Variants in DSG1 observed in about 807,000 individuals in gnomAD.
The protein encoded by DSG1 is desmoglein-1.
A neutral mutation model predicts 97.5 loss-of-function variants in DSG1; 39 were observed. The observed-to-expected ratio is 0.40, with a 90% CI of 0.31 to 0.52. The LOEUF (loss-of-function observed/expected upper bound fraction) is 0.52. DSG1 is among the 20% of genes least tolerant of loss of function. The pLI, the probability that DSG1 is intolerant of heterozygous loss-of-function variation, is 0.53. For synonymous variants in DSG1, 475 were observed against 443.4 expected (o/e 1.07, Z -0.90); for missense variants, 1,311 against 1,295.4 (o/e 1.01, Z -0.18).
chr18:31,328,411 A>G, intron 4 of DSG1, 67 bp downstream of exon 4: 2 of 1,498,460 alleles, frequency 1.3e-6, no homozygotes, highest in Non-Finnish European at 9.2e-7. Flanking sequence ...TTAATCTCAG[A>G]TCATACTTAA....
At chr18:31,328,097 T>C in intron 3 of DSG1, 92 bp from the exon 4 acceptor site, 4 of 1,359,056 alleles carry the variant, frequency 2.9e-6, no homozygotes, top group East Asian at 2.3e-5. Context: ...AACAAGGTCA[T>C]CACATGCAAC....
intron 9 of DSG1, 97 bp from the exon 10 acceptor site, chr18:31,338,218 A>T: frequency 2.3e-6 from 3 of 1,285,698 alleles, no homozygotes; most frequent in Non-Finnish European, 3.3e-6. Context: ...GTATCTAGGG[A>T]TTATAATTAC....
rs1171094376 is a variant in DSG1 at position 31,328,466 on chromosome 18, T to G, written c.372+122T>G. 3.0e-6 allele frequency: 3 copies of G among 985,220 alleles called. No individual in the cohort carries two copies. The African/African-American group carries it at 4.8e-5, about 16-fold the overall frequency. 61.0% of individuals were successfully genotyped at this position (985,220 alleles called of 1,614,324 possible). A position where few individuals can be genotyped will look rare whatever the true frequency, so the allele number is the denominator to read the frequency against. Reference sequence around the variant, plus strand: ...ATATTTGGCATTTTTGGTTGTTTCTTAATTCACGAGCATCCCACGACTGAA... The same window carrying G: ...ATATTTGGCATTTTTGGTTGTTTCTGAATTCACGAGCATCCCACGACTGAA... On this transcript the variant is annotated intron_variant, in intron 4 of 14. Coordinates refer to ENST00000257192, the MANE Select transcript of DSG1 (RefSeq NM_001942.4).
chr18:31,338,976 A>G (rs1431309531), intron 10 of DSG1, among the ~76,000 whole-genome samples: 8 of 152,188 alleles, frequency 5.3e-5, no homozygotes, highest in South Asian at 2.1e-4. Flanking sequence ...CTAGGGTTAC[A>G]TCGATTAATA....
At chr18:31,334,362 T>C (rs1379004407) in intron 8 of DSG1, among the ~76,000 whole-genome samples, 160 bp downstream of exon 8, 1 of 152,142 alleles carries the variant, frequency 6.6e-6, no homozygotes, top group Non-Finnish European at 1.5e-5. Context: ...TTTAATATAG[T>C]CTTTCTGCTT....
intron 14 of DSG1, among the ~76,000 whole-genome samples, chr18:31,346,574 T>A (rs1003897295): frequency 6.6e-6 from 1 of 152,072 alleles, no homozygotes; most frequent in Non-Finnish European, 1.5e-5. Context: ...TGTGTTTGCT[T>A]ATCCTGTGCC....
chr18:31,320,569 A>G (rs1037106585), intron 1 of DSG1, among the ~76,000 whole-genome samples: 5 of 152,198 alleles, frequency 3.3e-5, no homozygotes, highest in African/African-American at 1.2e-4. Flanking sequence ...AGCAATCAAG[A>G]TCGCTCTATG....
In DSG1 at chr18:31,329,913, T is replaced by C; in HGVS notation, c.394T>C (p.Ser132Pro). Residue 132 changes from serine (S) to proline (P), a missense_variant, in exon 5 of 15, where the codon TCA (serine) becomes CCA (proline). Physicochemically the swap from Ser to Pro is moderately conservative, Grantham distance 74. This residue lies in a region of DSG1 where 259 missense variants were observed against 304.1 expected (regional missense o/e 0.85). Transcript: ENST00000257192. Reference sequence around the variant, plus strand: ...CCAGATCTACTGCCGAGCTCTGAACTCAATGGGCCAAGATTTAGAGAGGCC... The same window carrying C: ...CCAGATCTACTGCCGAGCTCTGAACCCAATGGGCCAAGATTTAGAGAGGCC... ...FFIIYCRALN[S>P]MGQDLERPLE... The C allele has an allele frequency of 6.2e-7, 1 of 1,613,288 alleles. No individual in the cohort carries two copies. The highest frequency in any genetic ancestry group is 2.2e-5 in the East Asian group (1 of 44,856).
chr18:31,340,670 G>GA (rs1322299259), intron 11 of DSG1, among the ~76,000 whole-genome samples: 2 of 152,060 alleles, frequency 1.3e-5, no homozygotes, highest in African/African-American at 4.8e-5. Flanking sequence ...AATACAAGGG[G>GA]AAAAAAATCT....
Position 31,336,367 on chromosome 18 carries a change from A to G in DSG1, c.1019A>G (p.Glu340Gly). 1.9e-6 allele frequency: 3 copies of G among 1,613,612 alleles called. No individual in the cohort carries two copies. Among genetic ancestry groups the G allele is most frequent in the Non-Finnish European group, 2.5e-6 (3 of 1,179,678 alleles). Residue 340 changes from glutamate (E) to glycine (G), a missense_variant, in exon 9 of 15, where the codon GAA (glutamate) becomes GGA (glycine). By Grantham distance (98) the Glu-to-Gly change is moderately conservative (BLOSUM62 -2). Coordinates refer to ENST00000257192, the MANE Select transcript of DSG1 (RefSeq NM_001942.4). ...TGTATTTTCTAGCCCTTAGATTATG[A>G]AGCTATGCAGAGTCTGCAACTCAGT... Reference protein sequence around the residue: ...ILKVVKPLDYEAMQSLQLSIG... With the variant: ...ILKVVKPLDYGAMQSLQLSIG...
intron 1 of DSG1, among the ~76,000 whole-genome samples, chr18:31,319,272 C>T (rs1598693985): frequency 2.0e-5 from 3 of 152,126 alleles, no homozygotes; most frequent in African/African-American, 7.2e-5. Context: ...AAGTAAATTG[C>T]CCTCCAGCTT....
intron 2 of DSG1, 61 bp downstream of exon 2, chr18:31,326,677 A>G: frequency 6.9e-7 from 1 of 1,451,878 alleles, no homozygotes; most frequent in Non-Finnish European, 9.7e-7. Context: ...TGAGAATAAC[A>G]ATATGTTTTC....
At chr18:31,344,177 T>C (rs1276423257) in intron 13 of DSG1, among the ~76,000 whole-genome samples, 182 bp downstream of exon 13, 1 of 152,232 alleles carries the variant, frequency 6.6e-6, no homozygotes, top group Non-Finnish European at 1.5e-5. Context: ...TATTGTTATA[T>C]GCTTCATTTT....
In DSG1 at chr18:31,318,346, C is replaced by G. The variant is rs755031242; in HGVS notation, c.46C>G (p.Leu16Val). 6.2e-7 allele frequency: 1 copy of G among 1,612,736 alleles called. No homozygotes were observed. The change falls in exon 1 of 15, where the codon CTG (leucine) becomes GTG (valine). Residue 16 changes from leucine (L) to valine (V), a missense_variant and splice_region_variant. Leu to Val is a conservative substitution (Grantham distance 32). Coordinates refer to ENST00000257192, the MANE Select transcript of DSG1 (RefSeq NM_001942.4). ...FRVVAMLFIF[L>V]VVVEVNSEFR... The stretch of plus-strand genomic sequence containing the variant: ...AGTAGTTGCAATGCTGTTCATTTTT[C>G]TGGTGAGTGGATTCTGGTAAAAGTC...
At chr18:31,338,940 C>T (rs929637901) in intron 10 of DSG1, among the ~76,000 whole-genome samples, 3 of 152,088 alleles carry the variant, frequency 2.0e-5, no homozygotes, top group Non-Finnish European at 4.4e-5. Context: ...TGAGTCCTAA[C>T]TAAATGTCAG....
In DSG1 at chr18:31,354,802, T is replaced by G; in HGVS notation, c.2606T>G (p.Val869Gly). ...ASNVVVTERV[V>G]GPISGADLHG... Reference sequence around the variant, plus strand: ...AACGTGGTAGTGACAGAGAGAGTGGTCGGCCCAATCTCTGGCGCTGATTTG... The same window carrying G: ...AACGTGGTAGTGACAGAGAGAGTGGGCGGCCCAATCTCTGGCGCTGATTTG... The change falls in exon 15 of 15, where the codon GTC (valine) becomes GGC (glycine). Residue 869 changes from valine to glycine, a missense_variant. Val to Gly is a moderately radical substitution (Grantham distance 109, BLOSUM62 -3). Around this residue, in one of 3 missense-constraint regions of DSG1, gnomAD observed 1,038 missense variants for 964.6 expected, o/e 1.08. Coordinates refer to ENST00000257192, the MANE Select transcript of DSG1 (RefSeq NM_001942.4). 1.9e-6 allele frequency: 3 copies of G among 1,614,026 alleles called. No homozygotes were observed. Among genetic ancestry groups the G allele is most frequent in the Non-Finnish European group, 2.5e-6 (3 of 1,179,986 alleles).
chr18:31,347,870 A>G (rs1156535920), intron 14 of DSG1: 1 of 140,926 alleles, frequency 7.1e-6, no homozygotes, highest in African/African-American at 3.2e-5. Flanking sequence ...ACTATGAACT[A>G]CTTTTCCAGA....
intron 14 of DSG1, among the ~76,000 whole-genome samples, chr18:31,351,344 T>C (rs1476181943): frequency 2.0e-5 from 3 of 147,548 alleles, no homozygotes; most frequent in African/African-American, 7.8e-5. Context: ...TAGTTTGTTA[T>C]AATTTCCGTT....
Sources: gnomAD v4.1 joint callset for allele counts (sites outside exome capture counted in the v4.1 genomes callset) on GRCh38, gnomAD v4.1.1 for gene constraint, gnomAD v4.1.1 regional missense constraint, MANE v1.5 for transcripts, NCBI Gene and HGNC (gene_info 2026-07-23, HGNC 2026-07-21) for gene names.